Variants in LRP1B observed in about 807,000 individuals in gnomAD.
The protein encoded by LRP1B is low-density lipoprotein receptor-related protein 1B.
Under a neutral mutation model 556.6 loss-of-function variants are expected in LRP1B, and 217 were observed. That is an observed-to-expected ratio of 0.39 (90% CI 0.35 to 0.44). LRP1B has a LOEUF of 0.44. LRP1B is among the 20% of genes least tolerant of loss of function. LRP1B has a pLI of 1.00. For synonymous variants in LRP1B, 2,047 were observed against 1,865.8 expected (o/e 1.10, Z -2.50); for missense variants, 5,053 against 5,620.8 (o/e 0.90, Z 3.23).
chr2:141,835,803 TACAC>T (rs147841421), intron 1 of LRP1B, among the ~76,000 whole-genome samples: 1 of 150,020 alleles, frequency 6.7e-6, no homozygotes, highest in Non-Finnish European at 1.5e-5. Flanking sequence ...TAGTGAGGTA[TACAC>T]ACACACACAC....
chr2:140,323,906 A>G lies in LRP1B; in HGVS notation c.12501T>C (p.Tyr4167=). ...KTKGVLISHR[Y]KQLDLPNPCL... ...TATTATACTTACAATCTAGTTGTTT[A>G]TAACGATGAGATATCAAAACACCTT... The change falls in exon 81 of 91, where the codon TAT becomes TAC. Residue 4167 remains tyrosine (Y), a synonymous_variant. Transcript: ENST00000389484. 1 of 1,529,636 alleles carries G rather than the reference A, an allele frequency of 6.5e-7. No individual in the cohort carries two copies. Among genetic ancestry groups the G allele is most frequent in the Non-Finnish European group, 9.0e-7 (1 of 1,105,710 alleles). 94.8% of individuals were successfully genotyped at this position (1,529,636 alleles called of 1,614,324 possible).
chr2:142,025,394 C>T (rs553467605), intron 1 of LRP1B, among the ~76,000 whole-genome samples: 1 of 152,254 alleles, frequency 6.6e-6, no homozygotes, highest in Middle Eastern at 3.4e-3. Context: ...AACACATTTA[C>T]TCAGTGAGGG....
intron 1 of LRP1B, among the ~76,000 whole-genome samples, chr2:141,839,266 T>C (rs1004097414): frequency 6.6e-6 from 1 of 152,150 alleles, no homozygotes; most frequent in African/African-American, 2.4e-5. Context: ...CACATGTACC[T>C]TACATAGTGG....
chr2:141,829,397 T>A lies in LRP1B; in HGVS notation c.83-18996A>T, dbSNP rs1279014676. Among the ~76,000 whole-genome samples, 16 of 152,204 alleles carry A rather than the reference T, an allele frequency of 1.1e-4. No homozygotes were observed. In the East Asian group the frequency reaches 2.9e-3, roughly 28 times the overall value. On this transcript the variant is annotated intron_variant, in intron 1 of 90. Transcript: ENST00000389484. Reference sequence around the variant, plus strand: ...GGAAAAAATATTTAAGGATGAGATTTTCCAAAAAAAAATTCTGCTGCTCCT... The same window carrying A: ...GGAAAAAATATTTAAGGATGAGATTATCCAAAAAAAAATTCTGCTGCTCCT...
intron 61 of LRP1B, 76 bp from the exon 62 acceptor site, chr2:140,456,679 G>C (rs1687121095): frequency 7.5e-7 from 1 of 1,336,152 alleles, no homozygotes; most frequent in South Asian, 1.5e-5. Flanking sequence ...TTAGAGATAG[G>C]ACTTTTAAGC....
chr2:141,726,318 T>TA (rs1259062766), intron 2 of LRP1B, among the ~76,000 whole-genome samples: 5 of 151,278 alleles, frequency 3.3e-5, no homozygotes, highest in East Asian at 1.9e-4. Context: ...AGAGGTAATT[T>TA]TAAAAAAAAA....
At chr2:140,555,936 T>G (rs1445127978) in intron 43 of LRP1B, among the ~76,000 whole-genome samples, 1 of 151,972 alleles carries the variant, frequency 6.6e-6, no homozygotes, top group Non-Finnish European at 1.5e-5. Flanking sequence ...TCTAAGCAAG[T>G]CATACGATAT....
At chr2:142,025,350 A>G (rs1703468959) in intron 1 of LRP1B, among the ~76,000 whole-genome samples, 2 of 152,176 alleles carry the variant, frequency 1.3e-5, no homozygotes, top group Admixed American at 1.3e-4. Context: ...CTTACCGAAA[A>G]CACTTTCAAG....
Position 140,699,905 on chromosome 2 carries a change from A to G in LRP1B, c.6799+345T>C, listed in dbSNP as rs148150474. Among the ~76,000 whole-genome samples, 603 of 138,748 alleles carry G rather than the reference A, an allele frequency of 4.3e-3. 12 individuals carry two copies. The South Asian group carries it at 0.054, about 12-fold the overall frequency. The allele number at this position is 138,748 out of a possible 152,430, so 91.0% of individuals were successfully genotyped here. On this transcript the variant is annotated intron_variant, in intron 41 of 90. Transcript: ENST00000389484. ...CTGAACAGATATTCTTAAATATACAATTTGCCCACTGGAAAAAAAAAATCA... is the reference window on the plus strand; with the variant it reads ...CTGAACAGATATTCTTAAATATACAGTTTGCCCACTGGAAAAAAAAAATCA...
chr2:140,444,191 G>A lies in LRP1B; in HGVS notation c.10294+139C>T, dbSNP rs1573945435. The A allele has an allele frequency of 4.8e-6, 4 of 834,508 alleles. No homozygotes were observed. The East Asian group carries it at 1.1e-4, about 23-fold the overall frequency. The allele number at this position is 834,508 out of a possible 1,614,324, so 51.7% of individuals were successfully genotyped here. ...TTATTTAGAGCTTCTATCCCAGTTGGCATCTATTTCTAATTATTTGACCAT... is the reference window on the plus strand; with the variant it reads ...TTATTTAGAGCTTCTATCCCAGTTGACATCTATTTCTAATTATTTGACCAT... On this transcript the variant is annotated intron_variant, in intron 65 of 90. Transcript: ENST00000389484.
intron 3 of LRP1B, among the ~76,000 whole-genome samples, chr2:141,410,108 T>C (rs1690795454): frequency 6.6e-6 from 1 of 152,188 alleles, no homozygotes; most frequent in South Asian, 2.1e-4. Context: ...TATCATACTA[T>C]AGATGCTTCA....
intron 2 of LRP1B, among the ~76,000 whole-genome samples, chr2:141,511,359 C>A (rs994350485): frequency 1.3e-5 from 2 of 152,132 alleles, no homozygotes; most frequent in African/African-American, 4.8e-5. Context: ...AGACAACATC[C>A]TAACCGGTGA....
At chr2:141,807,706 C>T in intron 2 of LRP1B, among the ~76,000 whole-genome samples, 1 of 152,092 alleles carries the variant, frequency 6.6e-6, no homozygotes, top group East Asian at 1.9e-4. Flanking sequence ...AGCCCCTAAA[C>T]TCTGTGAACT....
At chr2:141,684,290 C>A (rs1034369321) in intron 2 of LRP1B, among the ~76,000 whole-genome samples, 1 of 152,062 alleles carries the variant, frequency 6.6e-6, no homozygotes, top group Non-Finnish European at 1.5e-5. Context: ...AGGATGAGTT[C>A]ATGCCCATTG....
Position 141,719,086 on chromosome 2 carries a change from A to G in LRP1B, c.205+91193T>C, listed in dbSNP as rs553779763. 5.3e-5 allele frequency among the ~76,000 whole-genome samples: 8 copies of G among 152,230 alleles called. No individual in the cohort carries two copies. The South Asian group carries it at 1.7e-3, about 32-fold the overall frequency. On this transcript the variant is annotated intron_variant, in intron 2 of 90. Transcript: ENST00000389484. ...ACCAAGATTTTCTTGAGTTTTTATG[A>G]GCAGTCTTGTCAGTGAGAAAAATAG... is the stretch of plus-strand genomic sequence containing the variant.
chr2:140,359,033 A>G, intron 72 of LRP1B, 87 bp from the exon 73 acceptor site: 1 of 1,333,440 alleles, frequency 7.5e-7, no homozygotes, highest in Non-Finnish European at 1.0e-6. Flanking sequence ...TATTCTTTTC[A>G]AATCCATAAG....
rs771979647 is a variant in LRP1B, at chr2:141,515,291, G to A, written c.206-34758C>T. Among the ~76,000 whole-genome samples, 168 of 145,754 alleles carry A rather than the reference G, an allele frequency of 1.2e-3. 1 individual carries two copies. Among genetic ancestry groups the A allele is most frequent in the Non-Finnish European group, 2.0e-3 (134 of 66,726 alleles). On this transcript the variant is annotated intron_variant, in intron 2 of 90. Coordinates refer to ENST00000389484, the MANE Select transcript of LRP1B (RefSeq NM_018557.3). The stretch of plus-strand genomic sequence containing the variant: ...CACTCCAGCCTGGGCAACAAGAGTG[G>A]AACTCCGTCAAAAGAAAAAAAAAAA...
intron 2 of LRP1B, among the ~76,000 whole-genome samples, chr2:141,635,315 A>T (rs1031470092): frequency 6.6e-6 from 1 of 152,152 alleles, no homozygotes; most frequent in Admixed American, 6.6e-5. Flanking sequence ...TTAACTAGAG[A>T]TGGAACACAA....
chr2:140,274,698 T>A, intron 84 of LRP1B, 100 bp from the exon 85 acceptor site: 1 of 907,720 alleles, frequency 1.1e-6, no homozygotes, highest in South Asian at 1.9e-5. Flanking sequence ...TTAAAAATAA[T>A]AGGTAGATTA....
Sources: gnomAD v4.1 joint callset for allele counts (sites outside exome capture counted in the v4.1 genomes callset) on GRCh38, gnomAD v4.1.1 for gene constraint, MANE v1.5 for transcripts, NCBI Gene and HGNC (gene_info 2026-07-23, HGNC 2026-07-21) for gene names.